The following PTPRT variants were observed in gnomAD, a reference collection of about 807,000 sequenced individuals.
PTPRT encodes protein tyrosine phosphatase receptor type T.
Under a neutral mutation model 176.8 loss-of-function variants are expected in PTPRT, and 56 were observed. That is an observed-to-expected ratio of 0.32 (90% confidence interval 0.26 to 0.40). The LOEUF is 0.40. Ranked by LOEUF, PTPRT falls within the 10% of genes least tolerant of loss-of-function variation. The pLI is 1.00. For missense variants in PTPRT, 1,540 were observed against 1,908.2 expected (o/e 0.81, Z 3.60); for synonymous variants, 783 against 739.0 (o/e 1.06, Z -0.96).
At chr20:43,135,680 C>A (rs921491522) in intron 1 of PTPRT, among the ~76,000 whole-genome samples, 2 of 152,154 alleles carry the variant, frequency 1.3e-5, no homozygotes, top group African/African-American at 4.8e-5. Context: ...TCCTTCAAAG[C>A]AAACACAAGA....
chr20:42,295,005 C>CAT (rs1271634217), intron 12 of PTPRT, among the ~76,000 whole-genome samples: 11 of 151,944 alleles, frequency 7.2e-5, no homozygotes, highest in Admixed American at 3.3e-4. Context: ...GAAAATCCAA[C>CAT]ATATATATAG....
At chr20:42,551,856 T>G (rs146516804) in intron 7 of PTPRT, among the ~76,000 whole-genome samples, 88 of 152,322 alleles carry the variant, frequency 5.8e-4, no homozygotes, top group African/African-American at 1.8e-3. Flanking sequence ...TCCCCATTCC[T>G]TGCTTGTTTG....
At chr20:42,258,691 G>A (rs1239034143) in intron 13 of PTPRT, among the ~76,000 whole-genome samples, 1 of 152,048 alleles carries the variant, frequency 6.6e-6, no homozygotes, top group Admixed American at 6.6e-5. Flanking sequence ...ACTTGAGAAG[G>A]ATTATTTCAT....
intron 7 of PTPRT, among the ~76,000 whole-genome samples, chr20:42,664,292 A>G (rs1321102545): frequency 6.6e-6 from 1 of 151,918 alleles, no homozygotes; most frequent in Non-Finnish European, 1.5e-5. Context: ...CCCTTTTCTC[A>G]GTTTTGTCAC....
the PTPRT span, among the ~76,000 whole-genome samples, chr20:42,060,035 T>C: frequency 1.3e-5 from 2 of 152,206 alleles, no homozygotes; most frequent in Non-Finnish European, 2.9e-5. Context: ...ACTTTGCAGC[T>C]TCCCAAAGCA....
chr20:42,676,832 T>G (rs1279017191), intron 7 of PTPRT, among the ~76,000 whole-genome samples: 1 of 152,204 alleles, frequency 6.6e-6, no homozygotes, highest in Non-Finnish European at 1.5e-5. Context: ...AGCCAGATCA[T>G]CTCAGAGGTA....
chr20:42,502,836 G>T lies in PTPRT; in HGVS notation c.1154-30274C>A, dbSNP rs73618851. 3.3e-4 allele frequency among the ~76,000 whole-genome samples: 50 copies of T among 152,104 alleles called. No individual in the cohort carries two copies. In the East Asian group the frequency reaches 7.5e-3, roughly 23 times the overall value. On this transcript the variant is annotated intron_variant, in intron 7 of 30. Coordinates refer to ENST00000373187, the MANE Select transcript of PTPRT (RefSeq NM_007050.6). ...CTACATATCTGTGAGTAAATCACTG[G>T]ATGTTATGTTATACACATCTTCAAT...
At chr20:42,541,965 C>G (rs111599043) in intron 7 of PTPRT, among the ~76,000 whole-genome samples, 2,242 of 152,168 alleles carry the variant, frequency 0.015, 55 homozygotes, top group African/African-American at 0.052. Context: ...TGTCATGGGA[C>G]GGACCTGATG....
intron 7 of PTPRT, among the ~76,000 whole-genome samples, chr20:42,492,957 T>A (rs1214355496): frequency 6.6e-6 from 1 of 152,234 alleles, no homozygotes; most frequent in South Asian, 2.1e-4. Flanking sequence ...AGATCTTCAA[T>A]GTCTCTAGTT....
intron 7 of PTPRT, among the ~76,000 whole-genome samples, chr20:42,487,782 C>A (rs1048045812): frequency 6.6e-6 from 1 of 152,190 alleles, no homozygotes; most frequent in Non-Finnish European, 1.5e-5. Flanking sequence ...TCAGTGTTAA[C>A]TGCTACGCTT....
intron 7 of PTPRT, among the ~76,000 whole-genome samples, chr20:42,555,458 G>A (rs2072843968): frequency 1.3e-5 from 2 of 152,136 alleles, no homozygotes; most frequent in African/African-American, 4.8e-5. Context: ...GAAAAATAAA[G>A]CAGCAATCAC....
chr20:42,863,694 A>T (rs1272458785), intron 2 of PTPRT, among the ~76,000 whole-genome samples: 1 of 152,180 alleles, frequency 6.6e-6, no homozygotes, highest in Non-Finnish European at 1.5e-5. Flanking sequence ...TGTAAACTCC[A>T]TCCCCTAACC....
chr20:42,159,733 T>C (rs1989509116), intron 17 of PTPRT, among the ~76,000 whole-genome samples: 3 of 152,134 alleles, frequency 2.0e-5, no homozygotes, highest in Admixed American at 2.0e-4. Context: ...TTACATCCAT[T>C]GACATAAACA....
chr20:42,484,206 A>ATTT (rs1186535065), intron 7 of PTPRT, among the ~76,000 whole-genome samples: 2 of 151,442 alleles, frequency 1.3e-5, no homozygotes, highest in African/African-American at 4.9e-5. Flanking sequence ...TGTTTTGGTA[A>ATTT]TTTTTTTTTC....
intron 27 of PTPRT, among the ~76,000 whole-genome samples, chr20:42,093,625 C>T (rs766429117): frequency 6.6e-6 from 1 of 152,334 alleles, no homozygotes; most frequent in South Asian, 2.1e-4. Flanking sequence ...CCCCAACGTA[C>T]GCTCTTATGG....
chr20:42,081,830 C>A, intron 30 of PTPRT, 52 bp downstream of exon 30: 1 of 1,599,192 alleles, frequency 6.3e-7, no homozygotes, highest in South Asian at 1.1e-5. Flanking sequence ...TTCTCCAGGT[C>A]AAGGGAACTA....
At chr20:42,393,658 A>G (rs1451574185) in intron 9 of PTPRT, among the ~76,000 whole-genome samples, 1 of 152,210 alleles carries the variant, frequency 6.6e-6, no homozygotes, top group Non-Finnish European at 1.5e-5. Context: ...TGTAGTATTT[A>G]TGTATTCCTT....
At chr20:42,366,094 G>A (rs1447353205) in intron 9 of PTPRT, among the ~76,000 whole-genome samples, 1 of 152,196 alleles carries the variant, frequency 6.6e-6, no homozygotes, top group Non-Finnish European at 1.5e-5. Context: ...CTGTCCTTCA[G>A]CCTGGCCACA....
intron 7 of PTPRT, among the ~76,000 whole-genome samples, chr20:42,666,729 A>T (rs971256296): frequency 2.6e-5 from 4 of 152,210 alleles, no homozygotes; most frequent in African/African-American, 9.6e-5. Context: ...ATTTTCATAT[A>T]CATGCTGCAC....
Sources: allele counts gnomAD v4.1 joint callset (sites outside exome capture counted in the v4.1 genomes callset), GRCh38; gene constraint gnomAD v4.1.1; transcripts MANE v1.5; gene names NCBI Gene and HGNC (gene_info 2026-07-23, HGNC 2026-07-21).